The following CCDC158 variants were observed in gnomAD, a reference collection of about 807,000 sequenced individuals.
The protein encoded by CCDC158 is coiled-coil domain-containing protein 158.
Under a neutral mutation model 138.6 loss-of-function variants are expected in CCDC158, and 116 were observed. The ratio of observed to expected loss-of-function variants is 0.84; its 90% CI spans 0.72 to 0.98. The LOEUF (loss-of-function observed/expected upper bound fraction) is 0.98, where lower values mean the gene tolerates loss of function less well. Ranked by LOEUF, CCDC158 falls within the 50% of genes least tolerant of loss-of-function variation. CCDC158 has a pLI of 0.00. For missense variants in CCDC158, 1,265 were observed against 1,306.1 expected (o/e 0.97, Z 0.48); for synonymous variants, 436 against 442.4 (o/e 0.99, Z 0.18).
intron 3 of CCDC158, chr4:76,401,495 G>A (rs1021960605): frequency 1.6e-5 from 4 of 247,798 alleles, no homozygotes; most frequent in Non-Finnish European, 3.2e-5. Context: ...CTAAGAGAAC[G>A]CTGGCAACTA....
At chr4:76,389,920 G>A (rs1345612891) in intron 4 of CCDC158, among the ~76,000 whole-genome samples, 1 of 152,126 alleles carries the variant, frequency 6.6e-6, no homozygotes, top group Non-Finnish European at 1.5e-5. Flanking sequence ...CAAAAGATGA[G>A]GAATTTCATC....
At chr4:76,338,566 AC>A (rs1721761477) in intron 18 of CCDC158, among the ~76,000 whole-genome samples, 2 of 152,120 alleles carry the variant, frequency 1.3e-5, no homozygotes, top group South Asian at 4.1e-4. Context: ...CTGCACAAAG[AC>A]CATAATAAAT....
chr4:76,313,675 T>C (rs537597101), intron 24 of CCDC158, among the ~76,000 whole-genome samples: 2 of 152,328 alleles, frequency 1.3e-5, no homozygotes, highest in South Asian at 4.1e-4. Context: ...CAAAGATAGA[T>C]GAAGGTCAGT....
intron 11 of CCDC158, 119 bp from the exon 12 acceptor site, chr4:76,367,895 T>C (rs1578992620): frequency 1.4e-4 from 1 of 7,252 alleles, no homozygotes; most frequent in Non-Finnish European, 3.2e-4. Context: ...TAGTAAGATC[T>C]TTTTTTTTTT....
chr4:76,383,664 A>T lies in CCDC158; in HGVS notation c.801T>A (p.Asp267Glu). The change falls in exon 7 of 25, where the codon GAT becomes GAA. Residue 267 changes from aspartate to glutamate, a missense_variant and splice_region_variant. Coordinates refer to ENST00000682701, the MANE Select transcript of CCDC158 (RefSeq NM_001394954.1). ...CCATACCTCAGTCAGAAACCTACCT[A>T]TCTTGGTGTTGTTGCAGAAGTAGTT... The part of the protein sequence containing the change: ...KIELLLQQHQ[D>E]RIEQLISEHE... The T allele has an allele frequency of 6.2e-7, 1 of 1,610,158 alleles. No individual in the cohort carries two copies. Among genetic ancestry groups the T allele is most frequent in the Non-Finnish European group, 8.5e-7 (1 of 1,176,488 alleles).
chr4:76,351,842 T>C (rs778854824), intron 16 of CCDC158, 30 bp from the exon 17 acceptor site: 2 of 1,376,682 alleles, frequency 1.5e-6, no homozygotes, highest in African/African-American at 1.4e-5. Context: ...AAATGGTTTA[T>C]CTTGCATTCT....
chr4:76,323,535 A>G, intron 23 of CCDC158, 126 bp from the exon 24 acceptor site: 2 of 651,624 alleles, frequency 3.1e-6, no homozygotes, highest in Non-Finnish European at 5.2e-6. Flanking sequence ...GACAAATTCT[A>G]AAAGAGCTAT....
chr4:76,385,128 G>A (rs916241388), intron 4 of CCDC158, among the ~76,000 whole-genome samples: 1 of 152,168 alleles, frequency 6.6e-6, no homozygotes, highest in Non-Finnish European at 1.5e-5. Context: ...TCCCAGAATA[G>A]GAGATGCTGT....
At chr4:76,333,474 A>G (rs904236328) in intron 19 of CCDC158, among the ~76,000 whole-genome samples, 1 of 152,246 alleles carries the variant, frequency 6.6e-6, no homozygotes. Flanking sequence ...GGGCTGGTGA[A>G]CTGGCTAAAT....
At chr4:76,379,176 T>A in intron 9 of CCDC158, 114 bp downstream of exon 9, 1 of 504,300 alleles carries the variant, frequency 2.0e-6, no homozygotes, top group South Asian at 4.9e-5. Flanking sequence ...GCTTATAAAC[T>A]GCTTTTAATT....
Position 76,357,361 on chromosome 4 carries a change from T to C in CCDC158, c.2173+13A>G. 2 of 1,479,770 alleles carry C rather than the reference T, an allele frequency of 1.4e-6. No homozygotes were observed. The highest frequency in any genetic ancestry group is 1.8e-6 in the Non-Finnish European group (2 of 1,116,668). 91.7% of individuals were successfully genotyped at this position (1,479,770 alleles called of 1,614,324 possible). A position where few individuals can be genotyped will look rare whatever the true frequency, so the allele number is the denominator to read the frequency against. On this transcript the variant is annotated intron_variant, in intron 14 of 24. Coordinates refer to ENST00000682701, the MANE Select transcript of CCDC158 (RefSeq NM_001394954.1). ...AAAACAGAAGAAAAAATTTTAAATC[T>C]AACAGAGCATACCATGACCATCAGA...
intron 9 of CCDC158, among the ~76,000 whole-genome samples, chr4:76,372,868 A>G (rs1725370380): frequency 6.8e-6 from 1 of 147,286 alleles, no homozygotes; most frequent in Non-Finnish European, 1.5e-5. Context: ...TTTTTTTTTG[A>G]AATGGAATCT....
At chr4:76,412,018 C>T (rs1038649814) in intron 2 of CCDC158, 72 bp downstream of exon 2, 9 of 152,090 alleles carry the variant, frequency 5.9e-5, no homozygotes, top group African/African-American at 2.2e-4. Context: ...GATATAGATA[C>T]AGATAAAATA....
At chr4:76,393,340 T>C (rs988289569) in intron 4 of CCDC158, among the ~76,000 whole-genome samples, 3 of 151,806 alleles carry the variant, frequency 2.0e-5, no homozygotes, top group African/African-American at 7.3e-5. Context: ...TCACATACAG[T>C]GAATTCATTT....
intron 13 of CCDC158, among the ~76,000 whole-genome samples, chr4:76,357,996 C>A (rs79413688): frequency 6.7e-6 from 1 of 149,624 alleles, no homozygotes. Context: ...TGTGTGCACA[C>A]ACACACACAC....
intron 3 of CCDC158, among the ~76,000 whole-genome samples, chr4:76,399,543 G>A (rs955362790): frequency 4.6e-5 from 7 of 152,136 alleles, no homozygotes; most frequent in African/African-American, 1.7e-4. Flanking sequence ...TGGCTACATT[G>A]GCCAGAGTGA....
intron 12 of CCDC158, among the ~76,000 whole-genome samples, chr4:76,364,227 AC>A (rs1724432493): frequency 1.3e-5 from 2 of 152,040 alleles, no homozygotes; most frequent in South Asian, 4.1e-4. Context: ...CGCCCCTCAT[AC>A]CCAATTGTTG....
intron 12 of CCDC158, among the ~76,000 whole-genome samples, chr4:76,365,228 A>T (rs560725005): frequency 1.3e-5 from 2 of 152,286 alleles, no homozygotes; most frequent in South Asian, 4.2e-4. Context: ...ACCCACTCTG[A>T]AGAGGGGACA....
intron 21 of CCDC158, among the ~76,000 whole-genome samples, chr4:76,330,673 A>G (rs887211316): frequency 3.3e-5 from 5 of 152,230 alleles, no homozygotes; most frequent in African/African-American, 1.2e-4. Flanking sequence ...ACTATACAAT[A>G]TAACAACTAT....
Sources: allele counts gnomAD v4.1 joint callset (sites outside exome capture counted in the v4.1 genomes callset), GRCh38; gene constraint gnomAD v4.1.1; transcripts MANE v1.5; gene names NCBI Gene and HGNC (gene_info 2026-07-23, HGNC 2026-07-21).